The following SLC37A1 variants were observed in gnomAD, a reference collection of about 807,000 sequenced individuals.
SLC37A1 encodes glucose-6-phosphate exchanger SLC37A1.
A neutral mutation model predicts 75.3 loss-of-function variants in SLC37A1; 49 were observed. That is an observed-to-expected ratio of 0.65 (90% CI 0.52 to 0.83). The LOEUF (loss-of-function observed/expected upper bound fraction) is 0.83. Among genes scored for constraint, SLC37A1 ranks in the 40% least tolerant of loss-of-function variants. The pLI, the probability that SLC37A1 is intolerant of heterozygous loss-of-function variation, is 0.00. For missense variants in SLC37A1, 566 were observed against 695.0 expected (o/e 0.81, Z 2.09); for synonymous variants, 268 against 292.1 (o/e 0.92, Z 0.84).
At position 42,534,718 on chromosome 21, in the gene SLC37A1, C is replaced by G; in HGVS notation, c.159C>G (p.Cys53Trp). ...CCCAGGGTGAGCTCCACAAGTACTG[C>G]ACTGCTTGGGATGAAGCTGACGTCA... ...SIVKGELHKY[C>W]TAWDEADVRF... The change falls in exon 4 of 20, where the codon TGC becomes TGG. Residue 53 changes from cysteine (C) to tryptophan (W), a missense_variant. Physicochemically the swap from Cys to Trp is radical, Grantham distance 215. Transcript: ENST00000352133. 1 of 1,613,992 alleles carries G rather than the reference C, an allele frequency of 6.2e-7. No homozygotes were observed. The highest frequency in any genetic ancestry group is 8.5e-7 in the Non-Finnish European group (1 of 1,179,946).
intron 18 of SLC37A1, among the ~76,000 whole-genome samples, chr21:42,577,710 C>T (rs1398798711): frequency 1.3e-5 from 2 of 152,154 alleles, no homozygotes; most frequent in East Asian, 1.9e-4. Flanking sequence ...CCCAGCATGC[C>T]AGCAACACAG....
intron 2 of SLC37A1, among the ~76,000 whole-genome samples, chr21:42,523,895 G>GT (rs201123218): frequency 0.083 from 8,132 of 97,936 alleles, 286 homozygotes; most frequent in Middle Eastern, 0.15. Flanking sequence ...CTGAAATATG[G>GT]CCTTTTTTTT....
chr21:42,539,635 C>T lies in SLC37A1; in HGVS notation c.474C>T (p.Tyr158=), dbSNP rs745820305. 66 of 1,613,066 alleles carry T rather than the reference C, an allele frequency of 4.1e-5. No individual in the cohort carries two copies. Among genetic ancestry groups the T allele is most frequent in the Non-Finnish European group, 5.2e-5 (61 of 1,179,614 alleles). Reference sequence around the variant, plus strand: ...ACAACATCCACAGTTTCGGATTCTACGTGGTAACTCAGGTAAGGGTTTGGA... The same window carrying T: ...ACAACATCCACAGTTTCGGATTCTATGTGGTAACTCAGGTAAGGGTTTGGA... ...YFYNIHSFGF[Y]VVTQVINGLV... is the part of the protein sequence containing the mutation. Residue 158 remains tyrosine, a synonymous_variant, in exon 6 of 20, where the codon TAC becomes TAT. Coordinates refer to ENST00000352133, the MANE Select transcript of SLC37A1 (RefSeq NM_001320537.2).
chr21:42,544,966 C>A (rs1169988467), intron 8 of SLC37A1, among the ~76,000 whole-genome samples: 1 of 152,174 alleles, frequency 6.6e-6, no homozygotes, highest in East Asian at 1.9e-4. Context: ...TGGAAAGGGG[C>A]TGGCTCTGGG....
At chr21:42,500,778 C>T (rs1490464010) in intron 1 of SLC37A1, among the ~76,000 whole-genome samples, 2 of 152,094 alleles carry the variant, frequency 1.3e-5, no homozygotes, top group African/African-American at 4.8e-5. Flanking sequence ...GAGACTGAAG[C>T]TTCTGGAAAT....
At chr21:42,565,688 G>A (rs1208696477) in intron 14 of SLC37A1, 139 bp from the exon 15 acceptor site, 28 of 712,724 alleles carry the variant, frequency 3.9e-5, no homozygotes, top group Non-Finnish European at 5.5e-5. Context: ...GGGCGTGGCC[G>A]TCACGCTTTT....
rs949251334 is a variant in SLC37A1 at position 42,545,686 on chromosome 21, C to T, written c.731-1417C>T. ...GGAAGAGCCATATCAGGGGAAGCCC[C>T]TGGCTTACCCCTGGGGGCATCACAC... On this transcript the variant is annotated intron_variant, in intron 8 of 19. Coordinates refer to ENST00000352133, the MANE Select transcript of SLC37A1 (RefSeq NM_001320537.2). The surrounding 1 kb of genome is among the most constrained non-coding windows in gnomAD (Gnocchi z 4.0). Among the ~76,000 whole-genome samples, 12 of 152,230 alleles carry T rather than the reference C, an allele frequency of 7.9e-5. No homozygotes were observed. The highest frequency in any genetic ancestry group is 4.1e-4 in the South Asian group (2 of 4,832).
At chr21:42,543,733 C>T (rs1332957821) in intron 8 of SLC37A1, 131 bp downstream of exon 8, 1 of 870,280 alleles carries the variant, frequency 1.1e-6, no homozygotes, top group African/African-American at 1.7e-5. Context: ...CCTCAGCGCT[C>T]TTCTTACCAG....
At chr21:42,570,229 CCATG>C (rs2056116218) in intron 17 of SLC37A1, among the ~76,000 whole-genome samples, 1 of 88,528 alleles carries the variant, frequency 1.1e-5, no homozygotes, top group Non-Finnish European at 2.6e-5. Flanking sequence ...GTGGCCGTTG[CCATG>C]TCATGTGACA....
At chr21:42,563,975 TCTCATA>T in intron 13 of SLC37A1, 98 bp downstream of exon 13, 3 of 1,398,902 alleles carry the variant, frequency 2.1e-6, no homozygotes, top group Non-Finnish European at 3.0e-6. Flanking sequence ...TTCCCCAAGG[TCTCATA>T]TCCCCTGAGT....
At chr21:42,556,732 G>GT (rs1353324070) in intron 10 of SLC37A1, among the ~76,000 whole-genome samples, 1 of 152,146 alleles carries the variant, frequency 6.6e-6, no homozygotes, top group Non-Finnish European at 1.5e-5. Context: ...CCTTGTCTTG[G>GT]TCCACCCAGT....
At chr21:42,579,490 C>A (rs1394911906) in intron 18 of SLC37A1, among the ~76,000 whole-genome samples, 1 of 28,120 alleles carries the variant, frequency 3.6e-5, no homozygotes, top group Non-Finnish European at 1.0e-4. Context: ...CAGGGCAGCT[C>A]CTGGTTCTTC....
At chr21:42,542,562 C>CAA (rs754790379) in intron 7 of SLC37A1, 82 bp downstream of exon 7, 50 of 1,331,526 alleles carry the variant, frequency 3.8e-5, no homozygotes, top group Admixed American at 1.1e-4. Context: ...CTGATTACAG[C>CAA]AAAAACACTT....
chr21:42,542,465 G>T lies in SLC37A1; in HGVS notation c.548G>T (p.Trp183Leu). Residue 183 changes from tryptophan to leucine, a missense_variant, in exon 7 of 20, where the codon TGG becomes TTG. Trp to Leu is a moderately conservative substitution (Grantham distance 61). Transcript: ENST00000352133. ...AGCGTCGTCACCTGCCTCGGCAACT[G>T]GTTTGGAAAAGGAAGGTGAGAAAAA... Reference protein sequence around the residue: ...WPSVVTCLGNWFGKGRRGLIM... With the variant: ...WPSVVTCLGNLFGKGRRGLIM... 1 of 1,614,010 alleles carries T rather than the reference G, an allele frequency of 6.2e-7. No homozygotes were observed. The highest frequency in any genetic ancestry group is 8.5e-7 in the Non-Finnish European group (1 of 1,179,928).
intron 14 of SLC37A1, among the ~76,000 whole-genome samples, chr21:42,565,037 T>C (rs115555272): frequency 6.6e-6 from 1 of 152,394 alleles, no homozygotes; most frequent in African/African-American, 2.4e-5. Flanking sequence ...GCTCCTCTCT[T>C]TGGGGTGCCC....
At chr21:42,562,734 G>A (rs939491366) in intron 12 of SLC37A1, among the ~76,000 whole-genome samples, 2 of 152,176 alleles carry the variant, frequency 1.3e-5, no homozygotes, top group African/African-American at 4.8e-5. Flanking sequence ...CAGTGCTTAA[G>A]GGAAGGAGCC....
At chr21:42,540,537 A>T (rs905503525) in intron 6 of SLC37A1, among the ~76,000 whole-genome samples, 1 of 152,104 alleles carries the variant, frequency 6.6e-6, no homozygotes, top group African/African-American at 2.4e-5. Flanking sequence ...AACAGGAGAG[A>T]TCATGAAGGT....
intron 3 of SLC37A1, among the ~76,000 whole-genome samples, chr21:42,533,366 G>A (rs111509063): frequency 2.0e-5 from 3 of 152,284 alleles, no homozygotes; most frequent in African/African-American, 7.2e-5. Flanking sequence ...CTTGAATAGT[G>A]CAGAATGATC....
chr21:42,535,511 A>T lies in SLC37A1; in HGVS notation c.311A>T (p.Tyr104Phe). Residue 104 changes from tyrosine to phenylalanine, a missense_variant, in exon 5 of 20, where the codon TAC becomes TTC. Physicochemically the swap from Tyr to Phe is conservative, Grantham distance 22 (BLOSUM62 3). Coordinates refer to ENST00000352133, the MANE Select transcript of SLC37A1 (RefSeq NM_001320537.2). ...NYQQLLGALDYSFLCAYAVGM... is the reference protein window; with the variant it reads ...NYQQLLGALDFSFLCAYAVGM... ...CAGCAGCTGCTTGGGGCCCTGGACT[A>T]CTCCTTCCTGTGCGCCTATGCCGTG... is the stretch of plus-strand genomic sequence containing the variant. 1.2e-6 allele frequency: 2 copies of T among 1,613,556 alleles called. No individual in the cohort carries two copies. The highest frequency in any genetic ancestry group is 1.7e-6 in the Non-Finnish European group (2 of 1,179,670).
Sources: gnomAD v4.1 joint callset for allele counts (sites outside exome capture counted in the v4.1 genomes callset) on GRCh38, gnomAD v4.1.1 for gene constraint, Gnocchi (gnomAD v3.1) non-coding constraint, MANE v1.5 for transcripts, NCBI Gene and HGNC (gene_info 2026-07-23, HGNC 2026-07-21) for gene names.